PRKN: variants seen among roughly 807,000 people sequenced by gnomAD.
The protein encoded by PRKN is E3 ubiquitin-protein ligase parkin.
PRKN carries 56 observed loss-of-function variants against 59.5 expected under a neutral mutation model. That is an observed-to-expected ratio of 0.94 (90% confidence interval 0.76 to 1.18). The LOEUF is 1.18. Among genes scored for constraint, PRKN ranks in the 50% most tolerant of loss-of-function variants. The probability of loss-of-function intolerance (pLI) is 0.00; values close to 1 mark genes in which losing one functional copy is unlikely to be tolerated. For synonymous variants in PRKN, 250 were observed against 222.1 expected, an observed-to-expected ratio of 1.13 and a Z score of -1.12; for missense variants, 657 against 596.4, an observed-to-expected ratio of 1.10 and a Z score of -1.06.
intron 1 of PRKN, among the ~76,000 whole-genome samples, chr6:162,699,838 T>C (rs1778090466): frequency 6.6e-6 from 1 of 152,126 alleles, no homozygotes; most frequent in African/African-American, 2.4e-5. Context: ...CTTGTCTACC[T>C]AGAAACCAGA....
At chr6:162,387,844 G>A (rs990059657) in intron 2 of PRKN, among the ~76,000 whole-genome samples, 1 of 152,204 alleles carries the variant, frequency 6.6e-6, no homozygotes, top group Non-Finnish European at 1.5e-5. Context: ...GGGAGGACAA[G>A]CAATGAAACA....
Position 161,402,543 on chromosome 6 carries a change from C to T in PRKN, c.1084-15666G>A, listed in dbSNP as rs1231288081. On this transcript the variant is annotated intron_variant, in intron 9 of 11. Transcript: ENST00000366898. This position sits in a 1 kb window ranked among gnomAD's most constrained non-coding sequence, Gnocchi z 4.5. ...GAAGCTGTGGGGGAGCAAAAGATGG[C>T]TTCCCTCTACCCTCCCAGGTTCTTT... Among the ~76,000 whole-genome samples the T allele has an allele frequency of 6.6e-6, 1 of 152,092 alleles. No individual in the cohort carries two copies. The highest frequency in any genetic ancestry group is 2.4e-5 in the African/African-American group (1 of 41,400).
chr6:161,470,940 TG>T lies in PRKN; in HGVS notation c.1083+77913del, dbSNP rs969985613. 6.6e-5 allele frequency among the ~76,000 whole-genome samples: 10 copies of T among 152,200 alleles called. No individual in the cohort carries two copies. Among genetic ancestry groups the T allele is most frequent in the African/African-American group, 2.4e-4 (10 of 41,452 alleles). On this transcript the variant is annotated intron_variant, in intron 9 of 11. Transcript: ENST00000366898. This position sits in a 1 kb window ranked among gnomAD's most constrained non-coding sequence, Gnocchi z 5.1. ...TGACTCTCCCAGTTCCACTAAGTTCTGGTAAAGAATTCTGAGGGGTCAGAGA... is the reference window on the plus strand; with the variant it reads ...TGACTCTCCCAGTTCCACTAAGTTCTGTAAAGAATTCTGAGGGGTCAGAGA...
At position 161,544,806 on chromosome 6, in the gene PRKN, G is replaced by T. The variant is rs920103299; in HGVS notation, c.1083+4048C>A. On this transcript the variant is annotated intron_variant, in intron 9 of 11. Coordinates refer to ENST00000366898, the MANE Select transcript of PRKN (RefSeq NM_004562.3). The surrounding 1 kb of genome is among the most constrained non-coding windows in gnomAD (Gnocchi z 5.5). ...TAGTTAAGGTACATTGCTCCTCGGG[G>T]AACAGATAAGCCTGTGACACAGTGG... is the stretch of plus-strand genomic sequence containing the variant. Among the ~76,000 whole-genome samples the T allele has an allele frequency of 6.6e-6, 1 of 152,128 alleles. No homozygotes were observed. The highest frequency in any genetic ancestry group is 6.6e-5 in the Admixed American group (1 of 15,266).
At chr6:161,406,149 T>C (rs896633639) in intron 9 of PRKN, among the ~76,000 whole-genome samples, 6 of 151,542 alleles carry the variant, frequency 4.0e-5, no homozygotes, top group African/African-American at 1.5e-4. Context: ...TATACATATA[T>C]ACACACATAT....
At chr6:161,743,635 G>T (rs1788291292) in intron 7 of PRKN, among the ~76,000 whole-genome samples, 1 of 151,902 alleles carries the variant, frequency 6.6e-6, no homozygotes, top group Non-Finnish European at 1.5e-5. Context: ...GCCCCCACTT[G>T]CGTAAGTCCC....
chr6:161,841,376 G>T (rs539810483), intron 6 of PRKN, among the ~76,000 whole-genome samples: 41 of 150,888 alleles, frequency 2.7e-4, no homozygotes, highest in South Asian at 8.4e-4. Flanking sequence ...TTGAGACAGG[G>T]TCTCACTCTG....
chr6:161,650,039 C>A (rs747228493), intron 7 of PRKN, among the ~76,000 whole-genome samples: 1 of 152,118 alleles, frequency 6.6e-6, no homozygotes, highest in Non-Finnish European at 1.5e-5. Context: ...CAGAAGACAG[C>A]CAACATCTAC....
chr6:161,505,429 T>G (rs986172872), intron 9 of PRKN, among the ~76,000 whole-genome samples: 3 of 151,480 alleles, frequency 2.0e-5, no homozygotes, highest in African/African-American at 7.3e-5. Flanking sequence ...ATATTAGCCC[T>G]TTGTCAGATG....
chr6:161,683,371 C>G (rs188091289), intron 7 of PRKN, among the ~76,000 whole-genome samples: 2 of 152,320 alleles, frequency 1.3e-5, no homozygotes, highest in African/African-American at 2.4e-5. Context: ...CTAATCTGCA[C>G]TCGATCTTAG....
chr6:161,672,009 AG>A (rs1335208055), intron 7 of PRKN, among the ~76,000 whole-genome samples: 3 of 152,192 alleles, frequency 2.0e-5, no homozygotes, highest in African/African-American at 4.8e-5. Context: ...TCTTGCTTGG[AG>A]CGGTCCACAC....
chr6:162,377,114 C>T (rs1193331651), intron 2 of PRKN, among the ~76,000 whole-genome samples: 1 of 152,062 alleles, frequency 6.6e-6, no homozygotes, highest in African/African-American at 2.4e-5. Context: ...GAGGGTGATG[C>T]TTTTTGTTTC....
chr6:162,165,958 G>T (rs1450178929), intron 4 of PRKN, among the ~76,000 whole-genome samples: 4 of 146,138 alleles, frequency 2.7e-5, no homozygotes, highest in Non-Finnish European at 5.9e-5. Flanking sequence ...TGAAACAGGA[G>T]AACTGCTTGA....
At chr6:161,392,929 C>T (rs1786579857) in intron 9 of PRKN, among the ~76,000 whole-genome samples, 1 of 151,982 alleles carries the variant, frequency 6.6e-6, no homozygotes, top group Non-Finnish European at 1.5e-5. Context: ...TGGCCCTAGG[C>T]AACATATAAA....
chr6:162,401,418 T>A (rs10455907), intron 2 of PRKN, among the ~76,000 whole-genome samples: 29,547 of 152,136 alleles, frequency 0.19, 3,244 homozygotes, highest in Non-Finnish European at 0.23. Flanking sequence ...AACTATGGCA[T>A]ATCATAGCTT....
intron 6 of PRKN, among the ~76,000 whole-genome samples, chr6:161,787,663 G>C (rs564780125): frequency 7.9e-5 from 12 of 152,322 alleles, no homozygotes; most frequent in African/African-American, 2.9e-4. Flanking sequence ...AGAAAGCTTA[G>C]AGGCCAGGCG....
At chr6:161,632,370 A>G (rs1377418598) in intron 7 of PRKN, among the ~76,000 whole-genome samples, 2 of 152,238 alleles carry the variant, frequency 1.3e-5, no homozygotes, top group Non-Finnish European at 2.9e-5. Flanking sequence ...TGAGCATCTT[A>G]TAAAATATCT....
chr6:162,116,601 C>T (rs1044453196), intron 4 of PRKN, among the ~76,000 whole-genome samples: 12 of 152,170 alleles, frequency 7.9e-5, no homozygotes, highest in Non-Finnish European at 1.6e-4. Context: ...TTACGCTGCA[C>T]ATTTAGATTG....
rs147424159 is a variant in PRKN, at chr6:161,382,036, C to T, written c.1167+4758G>A. On this transcript the variant is annotated intron_variant, in intron 10 of 11. Coordinates refer to ENST00000366898, the MANE Select transcript of PRKN (RefSeq NM_004562.3). The stretch of plus-strand genomic sequence containing the variant: ...CTGGGGCAGGAGAATGGCGTGAACC[C>T]GGGAGGCAGAGCTTGCAGTGAGCCA... Among the ~76,000 whole-genome samples the T allele has an allele frequency of 1.5e-3, 223 of 143,956 alleles. 1 individual carries two copies. The highest frequency in any genetic ancestry group is 5.0e-3 in the East Asian group (24 of 4,758). The allele number at this position is 143,956 out of a possible 152,430, so 94.4% of individuals were successfully genotyped here.
Sources: gnomAD v4.1 joint callset for allele counts (sites outside exome capture counted in the v4.1 genomes callset) on GRCh38, gnomAD v4.1.1 for gene constraint, Gnocchi (gnomAD v3.1) non-coding constraint, MANE v1.5 for transcripts, NCBI Gene and HGNC (gene_info 2026-07-23, HGNC 2026-07-21) for gene names.